Variants in FMR1 observed in about 807,000 individuals in gnomAD.
FMR1 encodes the protein FMRP translational regulator 1.
In FMR1, 13 loss-of-function variants were observed where a neutral mutation model predicts 50.6. The ratio of observed to expected loss-of-function variants is 0.26; its 90% CI spans 0.17 to 0.41. FMR1 has a LOEUF of 0.41. Ranked by LOEUF, FMR1 falls within the 10% of genes least tolerant of loss-of-function variation. FMR1 has a pLI of 1.00. For missense variants in FMR1, 316 were observed against 491.3 expected (o/e 0.64, Z 3.37); for synonymous variants, 138 against 164.1 (o/e 0.84, Z 1.22).
In FMR1 at chrX:147,916,937, C is replaced by G. The variant is rs1057012844; in HGVS notation, c.51+4707C>G. On this transcript the variant is annotated intron_variant, in intron 1 of 16. Transcript: ENST00000370475. ...ATTTTTAGTAGAGATGAGGTTTCGCCATGTTGGCCAGGCTGATCTCAAGTT... is the reference window on the plus strand; with the variant it reads ...ATTTTTAGTAGAGATGAGGTTTCGCGATGTTGGCCAGGCTGATCTCAAGTT... Among the ~76,000 whole-genome samples, 25 of 111,784 alleles carry G rather than the reference C, an allele frequency of 2.2e-4. 1 individual carries two copies. The highest frequency in any genetic ancestry group is 9.5e-5 in the Admixed American group (1 of 10,544).
At chrX:147,944,318 A>G in intron 14 of FMR1, 1 of 753,263 alleles carries the variant, frequency 1.3e-6, no homozygotes, top group Non-Finnish European at 1.6e-6. Context: ...TTGTGGACCA[A>G]ACATCAGGCA....
intron 10 of FMR1, among the ~76,000 whole-genome samples, chrX:147,937,160 T>C (rs1232504639): frequency 9.0e-6 from 1 of 111,606 alleles, no homozygotes; most frequent in African/African-American, 3.3e-5. Flanking sequence ...TAGCAGCTTT[T>C]AAAGTATTTG....
At chrX:147,912,334 C>T in intron 1 of FMR1, 104 bp downstream of exon 1, 1 of 797,943 alleles carries the variant, frequency 1.3e-6, no homozygotes, top group Non-Finnish European at 1.8e-6. Flanking sequence ...GAGCACCGCG[C>T]CTGGGTGCCA....
chrX:147,928,937 TG>T, intron 5 of FMR1, 130 bp downstream of exon 5: 1 of 692,379 alleles, frequency 1.4e-6, no homozygotes, highest in Non-Finnish European at 2.2e-6. Context: ...TTGGCAAAAA[TG>T]GTTTGGTTTG....
At chrX:147,942,541 T>A (rs2044043355) in intron 13 of FMR1, among the ~76,000 whole-genome samples, 1 of 112,423 alleles carries the variant, frequency 8.9e-6, no homozygotes, top group African/African-American at 3.2e-5. Flanking sequence ...ATTAAATAGT[T>A]TTGTTTTCCC....
intron 1 of FMR1, chrX:147,913,881 C>T: frequency 8.9e-6 from 1 of 111,794 alleles, no homozygotes; most frequent in Non-Finnish European, 1.9e-5. Flanking sequence ...AACTATAATA[C>T]ATATACATAT....
Position 147,949,948 on chromosome X carries a change from T to C in FMR1, c.*1104T>C, listed in dbSNP as rs1557183187. The C allele has an allele frequency of 3.1e-6, 1 of 326,630 alleles. No individual in the cohort carries two copies. Among genetic ancestry groups the C allele is most frequent in the Admixed American group, 3.1e-5 (1 of 31,859 alleles). The allele number at this position is 326,630 out of a possible 1,213,427, so 26.9% of individuals were successfully genotyped here. On this transcript the variant is annotated 3_prime_UTR_variant, in exon 17 of 17. Coordinates refer to ENST00000370475, the MANE Select transcript of FMR1 (RefSeq NM_002024.6). ...AACATTGGAAGCAGGTTAAATGTTT[T>C]GTAAACTTTGAAATATATGGTCTAA...
intron 1 of FMR1, among the ~76,000 whole-genome samples, chrX:147,918,135 A>G (rs782114770): frequency 9.0e-6 from 1 of 111,082 alleles, no homozygotes; most frequent in Non-Finnish European, 1.9e-5. Context: ...ATGGCCAAAG[A>G]AGGAAGGTAT....
intron 1 of FMR1, chrX:147,913,718 A>T (rs2124399577): frequency 8.9e-6 from 1 of 112,276 alleles, no homozygotes; most frequent in African/African-American, 3.2e-5. Context: ...TGTTCTTAAC[A>T]GTCTCATGAA....
chrX:147,928,800 C>T lies in FMR1; in HGVS notation c.412C>T (p.Arg138Trp), dbSNP rs782759579. ...CAAGCTGGATGTGCCAGAAGACTTACGGCAAATGTAAGTTGATACACAAGA... is the reference window on the plus strand; with the variant it reads ...CAAGCTGGATGTGCCAGAAGACTTATGGCAAATGTAAGTTGATACACAAGA... The part of the protein sequence containing the change: ...KIKLDVPEDL[R>W]QMCAKEAAHK... Residue 138 changes from arginine to tryptophan, a missense_variant, in exon 5 of 17, where the codon CGG becomes TGG. This residue lies in a region of FMR1 where 124 missense variants were observed against 238.1 expected (regional missense o/e 0.52). Transcript: ENST00000370475. 7.4e-6 allele frequency: 9 copies of T among 1,209,130 alleles called. No homozygotes were observed. The Admixed American group carries it at 8.7e-5, about 12-fold the overall frequency.
rs782456938 is a variant in FMR1 at position 147,949,661 on chromosome X, G to C, written c.*817G>C. The stretch of plus-strand genomic sequence containing the variant: ...ATGTGTAATTTTTCTGTATAGACAG[G>C]AGAAGAAAGAACTATCTTCATCTGA... On this transcript the variant is annotated 3_prime_UTR_variant, in exon 17 of 17. Coordinates refer to ENST00000370475, the MANE Select transcript of FMR1 (RefSeq NM_002024.6). 6 of 329,367 alleles carry C rather than the reference G, an allele frequency of 1.8e-5. No homozygotes were observed. Among genetic ancestry groups the C allele is most frequent in the South Asian group, 1.6e-4 (6 of 38,468 alleles). 27.1% of individuals were successfully genotyped at this position (329,367 alleles called of 1,213,427 possible).
At chrX:147,932,915 A>AT (rs1293193036) in intron 9 of FMR1, 152 bp downstream of exon 9, 2 of 455,055 alleles carry the variant, frequency 4.4e-6, no homozygotes, top group Non-Finnish European at 7.6e-6. Context: ...TTTTTTTATT[A>AT]TTTAAGTTTT....
chrX:147,940,817 A>C (rs1241076033), intron 13 of FMR1, among the ~76,000 whole-genome samples, 155 bp downstream of exon 13: 1 of 112,333 alleles, frequency 8.9e-6, no homozygotes, highest in Non-Finnish European at 1.9e-5. Context: ...TTGGCTTATA[A>C]TTTTTTTAAA....
intron 4 of FMR1, 130 bp downstream of exon 4, chrX:147,928,523 A>T (rs1320291893): frequency 8.6e-5 from 64 of 742,482 alleles, no homozygotes; most frequent in Non-Finnish European, 1.3e-4. Context: ...AAATGTTTTC[A>T]CTATGTGTTC....
chrX:147,944,225 C>T, intron 14 of FMR1: 3 of 750,498 alleles, frequency 4.0e-6, no homozygotes, highest in East Asian at 1.5e-4. Flanking sequence ...TCCTCTAAGT[C>T]GTTAACCCCT....
chrX:147,928,891 T>A, intron 5 of FMR1, 84 bp downstream of exon 5: 1 of 995,557 alleles, frequency 1.0e-6, no homozygotes, highest in Non-Finnish European at 1.4e-6. Flanking sequence ...TAAAATTTTT[T>A]AAACTACTAG....
rs782491106 is a variant in FMR1, at chrX:147,940,805, G to C, written c.1275+143G>C. ...TCAAAGGTAATAGAGAAAATACGTTGTTTGGCTTATAATTTTTTTAAAAAT... is the reference window on the plus strand; with the variant it reads ...TCAAAGGTAATAGAGAAAATACGTTCTTTGGCTTATAATTTTTTTAAAAAT... On this transcript the variant is annotated intron_variant, in intron 13 of 16. Transcript: ENST00000370475. The C allele has an allele frequency of 1.7e-4, 77 of 442,208 alleles. No homozygotes were observed. The South Asian group carries it at 2.7e-3, about 16-fold the overall frequency. The allele number at this position is 442,208 out of a possible 1,213,427, so 36.4% of individuals were successfully genotyped here.
At chrX:147,937,434 T>C (rs1454732854) in intron 10 of FMR1, 32 bp from the exon 11 acceptor site, 2 of 1,001,235 alleles carry the variant, frequency 2.0e-6, no homozygotes, top group African/African-American at 3.8e-5. Context: ...TGGTCCTTTT[T>C]TTCTCTTTTG....
intron 16 of FMR1, 70 bp downstream of exon 16, chrX:147,945,686 T>C (rs782197007): frequency 1.3e-6 from 1 of 789,224 alleles, no homozygotes; most frequent in African/African-American, 2.1e-5. Context: ...GAGTTTATTT[T>C]ACTTTATTAA....
Sources: allele counts gnomAD v4.1 joint callset (sites outside exome capture counted in the v4.1 genomes callset), GRCh38; gene constraint gnomAD v4.1.1; regional missense constraint gnomAD v4.1.1; transcripts MANE v1.5; gene names NCBI Gene and HGNC (gene_info 2026-07-23, HGNC 2026-07-21).